Variants in ZMYM1 observed in about 807,000 individuals in gnomAD.
ZMYM1 encodes the protein zinc finger MYM-type protein 1.
Under a neutral mutation model 60.0 loss-of-function variants are expected in ZMYM1, and 39 were observed. The ratio of observed to expected loss-of-function variants is 0.65; its 90% CI spans 0.50 to 0.85. The LOEUF is 0.85. Ranked by LOEUF, ZMYM1 falls within the 40% of genes least tolerant of loss-of-function variation. ZMYM1 has a pLI of 0.00. For synonymous variants in ZMYM1, 413 were observed against 454.0 expected (o/e 0.91, Z 1.15); for missense variants, 1,171 against 1,309.5 (o/e 0.89, Z 1.63).
chr1:35,108,335 T>G (rs374679169), intron 6 of ZMYM1, among the ~76,000 whole-genome samples: 9 of 152,022 alleles, frequency 5.9e-5, no homozygotes, highest in Non-Finnish European at 1.3e-4. Flanking sequence ...CTTTGTACTT[T>G]GGTGGGTTTT....
In ZMYM1 at chr1:35,094,048, C is replaced by G. The variant is rs749346555; in HGVS notation, c.61C>G (p.Leu21Val). 6.2e-7 allele frequency: 1 copy of G among 1,610,980 alleles called. No individual in the cohort carries two copies. The highest frequency in any genetic ancestry group is 1.1e-5 in the South Asian group (1 of 90,710). ...DKAVASQLGLLDEIKTEPDNA... is the reference protein window; with the variant it reads ...DKAVASQLGLVDEIKTEPDNA... ...GGCAGTGGCATCACAGCTGGGGCTG[C>G]TAGATGAAATTAAGACAGAACCCGA... Residue 21 changes from leucine (L) to valine (V), a missense_variant, in exon 2 of 10, where the codon CTA becomes GTA. Physicochemically the swap from Leu to Val is conservative, Grantham distance 32 (BLOSUM62 1). Coordinates refer to ENST00000359858, the MANE Select transcript of ZMYM1 (RefSeq NM_024772.5).
rs766687673 is a variant in ZMYM1 at position 35,114,230 on chromosome 1, C to G, written c.2400C>G (p.Cys800Trp). ...NIYRLSQNKT[C>W]KKHISQSCWT... ...ATAGGCTAAGTCAAAACAAAACATG[C>G]AAGAAACATATATCACAATCATGTT... Residue 800 changes from cysteine to tryptophan, a missense_variant, in exon 10 of 10, where the codon TGC (cysteine) becomes TGG (tryptophan). By Grantham distance (215) the Cys-to-Trp change is radical (BLOSUM62 -2). Transcript: ENST00000359858. 1.2e-6 allele frequency: 2 copies of G among 1,613,542 alleles called. No homozygotes were observed. The highest frequency in any genetic ancestry group is 8.5e-7 in the Non-Finnish European group (1 of 1,179,792).
At chr1:35,080,041 G>A (rs1642289535) in intron 1 of ZMYM1, among the ~76,000 whole-genome samples, 1 of 151,722 alleles carries the variant, frequency 6.6e-6, no homozygotes, top group African/African-American at 2.4e-5. Flanking sequence ...GAACCGGGAG[G>A]CAGAGGTTGC....
intron 1 of ZMYM1, among the ~76,000 whole-genome samples, chr1:35,073,319 A>AAGGG (rs1410055744): frequency 3.8e-5 from 5 of 131,962 alleles, no homozygotes; most frequent in African/African-American, 1.4e-4. Flanking sequence ...GGAAGAAAAA[A>AAGGG]AGAAAGGGAG....
At chr1:35,110,795 G>T (rs767252568) in intron 7 of ZMYM1, among the ~76,000 whole-genome samples, 1 of 151,972 alleles carries the variant, frequency 6.6e-6, no homozygotes, top group Non-Finnish European at 1.5e-5. Flanking sequence ...TTAGCTGGGC[G>T]TGTTGGTGGG....
rs768544222 is a variant in ZMYM1 at position 35,095,799 on chromosome 1, TA to T, written c.97-19del. 8.6e-6 allele frequency: 13 copies of T among 1,510,966 alleles called. No individual in the cohort carries two copies. Among genetic ancestry groups the T allele is most frequent in the South Asian group, 2.5e-5 (2 of 80,646 alleles). The allele number at this position is 1,510,966 out of a possible 1,614,324, so 93.6% of individuals were successfully genotyped here. Reference sequence around the variant, plus strand: ...CATTGTATTCACTATTTTTAATTATTATTTTTTTTTTCTTTTTAGGAGTATT... The same window carrying T: ...CATTGTATTCACTATTTTTAATTATTTTTTTTTTTTCTTTTTAGGAGTATT... On this transcript the variant is annotated intron_variant, in intron 2 of 9. Coordinates refer to ENST00000359858, the MANE Select transcript of ZMYM1 (RefSeq NM_024772.5).
chr1:35,099,455 C>G (rs1384641419), intron 4 of ZMYM1, among the ~76,000 whole-genome samples: 2 of 152,108 alleles, frequency 1.3e-5, no homozygotes, highest in Admixed American at 1.3e-4. Flanking sequence ...TGTGTAAGTT[C>G]TCCTAGGCAT....
At chr1:35,111,946 A>C (rs772790057) in intron 8 of ZMYM1, 34 bp downstream of exon 8, 2 of 1,564,530 alleles carry the variant, frequency 1.3e-6, no homozygotes, top group East Asian at 4.5e-5. Flanking sequence ...TGACATAAAT[A>C]TTGTTTTGTC....
chr1:35,102,827 C>G (rs1643728364), intron 4 of ZMYM1, among the ~76,000 whole-genome samples: 1 of 152,164 alleles, frequency 6.6e-6, no homozygotes, highest in Admixed American at 6.6e-5. Context: ...ATGCTTATGT[C>G]CTGTGTTGTC....
chr1:35,099,588 C>T (rs534115502), intron 4 of ZMYM1, among the ~76,000 whole-genome samples: 1 of 152,206 alleles, frequency 6.6e-6, no homozygotes, highest in East Asian at 1.9e-4. Context: ...CTGGAAAAGG[C>T]CATCCATGAT....
chr1:35,074,612 T>C (rs1642133212), upstream of ZMYM1, among the ~76,000 whole-genome samples: 1 of 152,010 alleles, frequency 6.6e-6, no homozygotes, highest in Admixed American at 6.6e-5. Context: ...TTTCACCATA[T>C]TGGCCAGGCT....
Position 35,113,433 on chromosome 1 carries a change from G to C in ZMYM1, c.1603G>C (p.Ala535Pro). ...GAGAGAATACCAATTTTGTGATGGA[G>C]CTGTCAGTGACGATTTATCTATTCA... Reference protein sequence around the residue: ...FWREYQFCDGAVSDDLSIHSK... With the variant: ...FWREYQFCDGPVSDDLSIHSK... The change falls in exon 10 of 10, where the codon GCT becomes CCT. Residue 535 changes from alanine (A) to proline (P), a missense_variant. Physicochemically the swap from Ala to Pro is conservative, Grantham distance 27. Transcript: ENST00000359858. 6.2e-7 allele frequency: 1 copy of C among 1,613,808 alleles called. No homozygotes were observed. The highest frequency in any genetic ancestry group is 8.5e-7 in the Non-Finnish European group (1 of 1,179,956).
At chr1:35,066,217 G>T (rs1161448021) in intron 1 of ZMYM1, among the ~76,000 whole-genome samples, 1 of 152,176 alleles carries the variant, frequency 6.6e-6, no homozygotes, top group East Asian at 1.9e-4. Flanking sequence ...GGTTTTTTGA[G>T]ACGGAGTCTC....
At chr1:35,076,032 G>C (rs1314244817), upstream of ZMYM1, among the ~76,000 whole-genome samples, 1 of 152,008 alleles carries the variant, frequency 6.6e-6, no homozygotes, top group Non-Finnish European at 1.5e-5. Context: ...CCCCCATACT[G>C]GTTCATACAA....
Position 35,113,132 on chromosome 1 carries a change from T to G in ZMYM1, c.1302T>G (p.Ser434Arg). The G allele has an allele frequency of 6.2e-7, 1 of 1,613,948 alleles. No individual in the cohort carries two copies. The highest frequency in any genetic ancestry group is 8.5e-7 in the Non-Finnish European group (1 of 1,179,930). Reference protein sequence around the residue: ...QKDNMKSMKISDELCHPKCTS... With the variant: ...QKDNMKSMKIRDELCHPKCTS... ...ACAATATGAAATCTATGAAAATAAG[T>G]GATGAACTATGTCACCCAAAATGTA... The change falls in exon 10 of 10, where the codon AGT becomes AGG. Residue 434 changes from serine (S) to arginine (R), a missense_variant. Transcript: ENST00000359858.
At chr1:35,101,001 C>G (rs879862387) in intron 4 of ZMYM1, among the ~76,000 whole-genome samples, 2 of 152,048 alleles carry the variant, frequency 1.3e-5, no homozygotes, top group Non-Finnish European at 2.9e-5. Context: ...GATGATTTCA[C>G]CATGTTGTCC....
Position 35,113,629 on chromosome 1 carries a change from A to G in ZMYM1, c.1799A>G (p.Glu600Gly). 6.2e-7 allele frequency: 1 copy of G among 1,613,018 alleles called. No homozygotes were observed. Among genetic ancestry groups the G allele is most frequent in the Middle Eastern group, 1.7e-4 (1 of 6,054 alleles). The change falls in exon 10 of 10, where the codon GAA becomes GGA. Residue 600 changes from glutamate to glycine, a missense_variant. Glu to Gly is a moderately conservative substitution (Grantham distance 98). Transcript: ENST00000359858. ...ATGAGAGCAAAAGATAAAGGAGAAG[A>G]AACATTTCGACTTATGAATTCACAA... ...LEMRAKDKGE[E>G]TFRLMNSQVD...
chr1:35,095,587 C>CAA (rs1557667748), intron 2 of ZMYM1, among the ~76,000 whole-genome samples: 1 of 150,360 alleles, frequency 6.7e-6, no homozygotes, highest in Non-Finnish European at 1.5e-5. Flanking sequence ...ATTTTGTTGA[C>CAA]AAAGATTTTG....
intron 1 of ZMYM1, among the ~76,000 whole-genome samples, chr1:35,060,929 C>T (rs139149978): frequency 6.6e-6 from 1 of 152,316 alleles, no homozygotes; most frequent in African/African-American, 2.4e-5. Flanking sequence ...GTATGCTAAC[C>T]CAGGAGGCAG....
Sources: gnomAD v4.1 joint callset for allele counts (sites outside exome capture counted in the v4.1 genomes callset) on GRCh38, gnomAD v4.1.1 for gene constraint, MANE v1.5 for transcripts, NCBI Gene and HGNC (gene_info 2026-07-23, HGNC 2026-07-21) for gene names.